Variants in SLC37A3 observed in about 807,000 individuals in gnomAD.
The protein encoded by SLC37A3 is solute carrier family 37 member 3.
In SLC37A3, 51 loss-of-function variants were observed where a neutral mutation model predicts 67.1. The ratio of observed to expected loss-of-function variants is 0.76; its 90% CI spans 0.61 to 0.96. SLC37A3 has a LOEUF of 0.96. Among genes scored for constraint, SLC37A3 ranks in the 40% least tolerant of loss-of-function variants. SLC37A3 has a pLI of 0.00. For missense variants in SLC37A3, 508 were observed against 603.0 expected, an observed-to-expected ratio of 0.84 and a Z score of 1.65; for synonymous variants, 214 against 231.4, an observed-to-expected ratio of 0.92 and a Z score of 0.68.
At chr7:140,380,105 A>G (rs1219166815) in intron 3 of SLC37A3, 177 bp downstream of exon 3, 5 of 393,958 alleles carry the variant, frequency 1.3e-5, no homozygotes, top group African/African-American at 8.3e-5. Flanking sequence ...GGAGAGGTAA[A>G]ATGGGACTGA....
At chr7:140,344,449 A>G (rs1796474695) in intron 12 of SLC37A3, among the ~76,000 whole-genome samples, 1 of 152,036 alleles carries the variant, frequency 6.6e-6, no homozygotes, top group African/African-American at 2.4e-5. Flanking sequence ...ATAAAATTAG[A>G]AAGTTTAAAA....
At chr7:140,335,653 T>C (rs1474102421) in intron 14 of SLC37A3, 149 bp from the exon 15 acceptor site, 2 of 1,063,244 alleles carry the variant, frequency 1.9e-6, no homozygotes, top group Non-Finnish European at 2.6e-6. Context: ...TAGAAAATGA[T>C]TTTGAAAATT....
At position 140,387,108 on chromosome 7, in the gene SLC37A3, G is replaced by A. The variant is rs554905179; in HGVS notation, c.-70-4512C>T. On this transcript the variant is annotated intron_variant, in intron 1 of 14. Coordinates refer to ENST00000326232, the MANE Select transcript of SLC37A3 (RefSeq NM_207113.3). ...TACCTCACTACTTATTTTTTATGGT[G>A]AGAAAACTTAAAATCTACTCTTTTA... Among the ~76,000 whole-genome samples the A allele has an allele frequency of 1.5e-4, 23 of 152,226 alleles. No individual in the cohort carries two copies. In the South Asian group the frequency reaches 4.3e-3, roughly 29 times the overall value.
chr7:140,380,463 C>A (rs962588729), intron 2 of SLC37A3, 73 bp from the exon 3 acceptor site: 13 of 1,055,258 alleles, frequency 1.2e-5, no homozygotes, highest in Non-Finnish European at 1.8e-5. Context: ...CAGGTATAGG[C>A]CCATTTCTTT....
At chr7:140,337,408 G>A (rs1796186972) in intron 13 of SLC37A3, 59 bp from the exon 14 acceptor site, 2 of 1,375,382 alleles carry the variant, frequency 1.5e-6, no homozygotes, top group East Asian at 5.1e-5. Flanking sequence ...AAAGGAAGCA[G>A]CTAAAAAGTA....
intron 3 of SLC37A3, 40 bp downstream of exon 3, chr7:140,380,242 T>C (rs2129789389): frequency 1.6e-6 from 2 of 1,279,424 alleles, no homozygotes; most frequent in South Asian, 2.5e-5. Context: ...GTGGGCACGG[T>C]CTCCTACTTC....
chr7:140,369,629 G>C lies in SLC37A3; in HGVS notation c.252C>G (p.Leu84=). Residue 84 remains leucine (L), a synonymous_variant, in exon 4 of 15, where the codon CTC becomes CTG. Coordinates refer to ENST00000326232, the MANE Select transcript of SLC37A3 (RefSeq NM_207113.3). ...AGAGGAAAATGGTATCCAGTGTGCC[G>C]AGGAAAAGAGTCGCTTTCTCTGCAC... is the stretch of plus-strand genomic sequence containing the variant. ...FPSAEKATLF[L]GTLDTIFLFS... 6.2e-7 allele frequency: 1 copy of C among 1,613,962 alleles called. No individual in the cohort carries two copies. Among genetic ancestry groups the C allele is most frequent in the East Asian group, 2.2e-5 (1 of 44,870 alleles).
chr7:140,335,236 G>A lies in SLC37A3; in HGVS notation c.*176C>T. 6.2e-7 allele frequency: 1 copy of A among 1,613,062 alleles called. No homozygotes were observed. Among genetic ancestry groups the A allele is most frequent in the East Asian group, 2.2e-5 (1 of 44,856 alleles). On this transcript the variant is annotated 3_prime_UTR_variant, in exon 15 of 15. Coordinates refer to ENST00000326232, the MANE Select transcript of SLC37A3 (RefSeq NM_207113.3). The stretch of plus-strand genomic sequence containing the variant: ...CATCAACAGTAATTCCTGTAGTGTA[G>A]AAAACTAGTGCAGCCTTCACTGCTG...
intron 1 of SLC37A3, among the ~76,000 whole-genome samples, chr7:140,388,663 T>C (rs550552544): frequency 2.0e-5 from 3 of 151,620 alleles, no homozygotes; most frequent in Non-Finnish European, 4.4e-5. Flanking sequence ...ATACAAAAAT[T>C]AGTTGGGCGT....
chr7:140,379,229 T>G (rs149673598), intron 3 of SLC37A3: 9,631 of 151,246 alleles, frequency 0.064, 390 homozygotes, highest in Middle Eastern at 0.14. Context: ...ATCCCCACAC[T>G]TGGGGAGGCC....
At chr7:140,373,915 C>T (rs1462651028) in intron 3 of SLC37A3, among the ~76,000 whole-genome samples, 1 of 152,034 alleles carries the variant, frequency 6.6e-6, no homozygotes, top group Non-Finnish European at 1.5e-5. Flanking sequence ...AAAACAATGC[C>T]ACTCATTATT....
At chr7:140,351,483 A>C in intron 8 of SLC37A3, 32 bp from the exon 9 acceptor site, 1 of 1,605,296 alleles carries the variant, frequency 6.2e-7, no homozygotes. Flanking sequence ...CTGTTTATGG[A>C]GTGCCTACCA....
intron 1 of SLC37A3, among the ~76,000 whole-genome samples, chr7:140,392,443 A>C (rs1008862233): frequency 6.6e-6 from 1 of 151,868 alleles, no homozygotes. Flanking sequence ...CTCACTCCCC[A>C]GCCTCTCGGT....
intron 1 of SLC37A3, among the ~76,000 whole-genome samples, chr7:140,390,610 C>T (rs1350577127): frequency 6.6e-6 from 1 of 152,134 alleles, no homozygotes; most frequent in Non-Finnish European, 1.5e-5. Flanking sequence ...ATCTCCCTCG[C>T]ACTCCCGTCC....
intron 1 of SLC37A3, among the ~76,000 whole-genome samples, chr7:140,397,417 C>G (rs1798982572): frequency 2.6e-5 from 4 of 151,902 alleles, no homozygotes; most frequent in Admixed American, 2.6e-4. Context: ...TGGTCTTGAA[C>G]TCCTGACCTC....
chr7:140,348,908 C>A, intron 9 of SLC37A3, 141 bp from the exon 10 acceptor site: 1 of 989,318 alleles, frequency 1.0e-6, no homozygotes, highest in Non-Finnish European at 1.5e-6. Context: ...TCTCTACAAA[C>A]TCCCACATGC....
intron 7 of SLC37A3, among the ~76,000 whole-genome samples, chr7:140,354,436 C>CT (rs113768596): frequency 6.2e-4 from 90 of 145,782 alleles, no homozygotes; most frequent in Non-Finnish European, 8.0e-4. Context: ...GTTTTTCTTC[C>CT]TTTTTTTTTT....
At chr7:140,355,510 G>A (rs935015521) in intron 7 of SLC37A3, among the ~76,000 whole-genome samples, 158 bp downstream of exon 7, 7 of 152,186 alleles carry the variant, frequency 4.6e-5, no homozygotes, top group East Asian at 3.9e-4. Flanking sequence ...CACCACACCC[G>A]GCCAGAAGTT....
At chr7:140,382,700 A>G (rs748615621) in intron 1 of SLC37A3, 104 bp from the exon 2 acceptor site, 43 of 519,950 alleles carry the variant, frequency 8.3e-5, no homozygotes, top group Non-Finnish European at 1.4e-4. Flanking sequence ...CCTTGTGGGA[A>G]AAAAATCTTA....
Sources: allele counts gnomAD v4.1 joint callset (sites outside exome capture counted in the v4.1 genomes callset), GRCh38; gene constraint gnomAD v4.1.1; transcripts MANE v1.5; gene names NCBI Gene and HGNC (gene_info 2026-07-23, HGNC 2026-07-21).